Variants in ERAP2 observed in about 807,000 individuals in gnomAD.
ERAP2 encodes leukocyte-derived arginine aminopeptidase.
A neutral mutation model predicts 111.1 loss-of-function variants in ERAP2; 118 were observed. The ratio of observed to expected loss-of-function variants is 1.06; its 90% CI spans 0.92 to 1.24. The LOEUF (loss-of-function observed/expected upper bound fraction) is 1.24, where lower values mean the gene tolerates loss of function less well. Among genes scored for constraint, ERAP2 ranks in the 50% most tolerant of loss-of-function variants. The pLI, the probability that ERAP2 is intolerant of heterozygous loss-of-function variation, is 0.00. For synonymous variants in ERAP2, 410 were observed against 401.2 expected, an observed-to-expected ratio of 1.02 and a Z score of -0.26; for missense variants, 1,131 against 1,125.8, an observed-to-expected ratio of 1.00 and a Z score of -0.07.
intron 17 of ERAP2, among the ~76,000 whole-genome samples, chr5:96,914,400 C>T (rs1477002942): frequency 6.6e-6 from 1 of 152,170 alleles, no homozygotes; most frequent in Non-Finnish European, 1.5e-5. Flanking sequence ...ATTTCCACTC[C>T]TCTCCCAAAT....
In ERAP2 at chr5:96,918,408, G is replaced by A. The variant is rs1458118474; in HGVS notation, c.*803G>A. 6.6e-6 allele frequency: 1 copy of A among 152,180 alleles called. No homozygotes were observed. Among genetic ancestry groups the A allele is most frequent in the East Asian group, 1.9e-4 (1 of 5,202 alleles). The allele number at this position is 152,180 out of a possible 1,614,324, so 9.4% of individuals were successfully genotyped here. ...CAAGGATCAGGAAACCAGAGACTTT[G>A]CCACCAAATCTCAGATTATTAGAAA... On this transcript the variant is annotated 3_prime_UTR_variant, in exon 19 of 19. Transcript: ENST00000437043.
At position 96,901,461 on chromosome 5, in the gene ERAP2, A is replaced by G. The variant is rs542070676; in HGVS notation, c.1573-45A>G. On this transcript the variant is annotated intron_variant, in intron 10 of 18. Coordinates refer to ENST00000437043, the MANE Select transcript of ERAP2 (RefSeq NM_022350.5). ...GAAGTTTCTGTCCCTCTGTCTTTGG[A>G]TTGTCTCCTCTCTCTTGAGTTATCA... 7 of 1,590,544 alleles carry G rather than the reference A, an allele frequency of 4.4e-6. No homozygotes were observed. In the African/African-American group the frequency reaches 9.4e-5, roughly 21 times the overall value.
intron 4 of ERAP2, among the ~76,000 whole-genome samples, chr5:96,887,576 A>C (rs1312162294): frequency 6.6e-6 from 1 of 152,138 alleles, no homozygotes; most frequent in Non-Finnish European, 1.5e-5. Context: ...TTGGGATTAC[A>C]GGCGTGAGCC....
chr5:96,883,674 A>C, intron 2 of ERAP2, 118 bp from the exon 3 acceptor site: 1 of 962,774 alleles, frequency 1.0e-6, no homozygotes, highest in Non-Finnish European at 1.5e-6. Context: ...CAAAGATTGC[A>C]GTTTGAGAAA....
At chr5:96,905,181 A>G (rs542744318) in intron 13 of ERAP2, among the ~76,000 whole-genome samples, 1 of 152,210 alleles carries the variant, frequency 6.6e-6, no homozygotes, top group Non-Finnish European at 1.5e-5. Flanking sequence ...CATGAATAGG[A>G]GGAGGAGATG....
Position 96,909,062 on chromosome 5 carries a change from C to T in ERAP2, c.2114C>T (p.Ser705Leu), listed in dbSNP as rs754839003. The change falls in exon 14 of 19, where the codon TCG becomes TTG. Residue 705 changes from serine to leucine, a missense_variant. By Grantham distance (145) the Ser-to-Leu change is moderately radical. This residue lies in a region of ERAP2 where 847 missense variants were observed against 856.5 expected (regional missense o/e 0.99). Coordinates refer to ENST00000437043, the MANE Select transcript of ERAP2 (RefSeq NM_022350.5). ...CTCGAAGGTCTGAGTTACTTGGAAT[C>T]GTTTTACCACATGATGGACAGAAGG... Reference protein sequence around the residue: ...ALLEGLSYLESFYHMMDRRNI... With the variant: ...ALLEGLSYLELFYHMMDRRNI... 2 of 1,614,112 alleles carry T rather than the reference C, an allele frequency of 1.2e-6. No individual in the cohort carries two copies. The highest frequency in any genetic ancestry group is 1.7e-6 in the Non-Finnish European group (2 of 1,179,988).
At chr5:96,886,021 C>T (rs1024525642) in intron 3 of ERAP2, among the ~76,000 whole-genome samples, 11 of 152,350 alleles carry the variant, frequency 7.2e-5, no homozygotes, top group Middle Eastern at 3.4e-3. Context: ...ATGACTCAAG[C>T]TGTCACGCAG....
intron 10 of ERAP2, among the ~76,000 whole-genome samples, chr5:96,901,100 A>G (rs541229740): frequency 1.3e-5 from 2 of 152,202 alleles, no homozygotes; most frequent in Non-Finnish European, 2.9e-5. Context: ...TGAAATATTT[A>G]AAGCTTCCCT....
At chr5:96,903,881 G>A (rs973729546) in intron 13 of ERAP2, among the ~76,000 whole-genome samples, 1 of 152,026 alleles carries the variant, frequency 6.6e-6, no homozygotes, top group Non-Finnish European at 1.5e-5. Context: ...GAGTGCAGTG[G>A]GCCAAACTCT....
At chr5:96,898,495 A>G (rs534496007) in intron 9 of ERAP2, among the ~76,000 whole-genome samples, 4 of 147,574 alleles carry the variant, frequency 2.7e-5, no homozygotes, top group Admixed American at 7.0e-5. Flanking sequence ...TAATCCCATC[A>G]CTTTGGGAGA....
rs761424043 is a variant in ERAP2 at position 96,909,122 on chromosome 5, G to C, written c.2169+5G>C. The C allele has an allele frequency of 7.4e-6, 12 of 1,613,486 alleles. No individual in the cohort carries two copies. The highest frequency in any genetic ancestry group is 9.3e-6 in the Non-Finnish European group (11 of 1,179,640). ...GATATCTCTGAAAACCTCAAGGTTTGTGTTGCTTTTAGAAAATGTATTAAG... is the reference window on the plus strand; with the variant it reads ...GATATCTCTGAAAACCTCAAGGTTTCTGTTGCTTTTAGAAAATGTATTAAG... On this transcript the variant is annotated splice_donor_5th_base_variant and intron_variant, in intron 14 of 18. Coordinates refer to ENST00000437043, the MANE Select transcript of ERAP2 (RefSeq NM_022350.5).
Position 96,889,303 on chromosome 5 carries a change from T to G in ERAP2, c.968T>G (p.Leu323Arg), listed in dbSNP as rs778278840. 2.5e-6 allele frequency: 4 copies of G among 1,614,104 alleles called. No homozygotes were observed. The South Asian group carries it at 4.4e-5, about 18-fold the overall frequency. ...YFDIYYPLSK[L>R]DLIAIPDFAP... ...GATATCTACTATCCACTCTCCAAAC[T>G]GGGTATGTTCAAATTCCACATTATT... Residue 323 changes from leucine to arginine, a missense_variant and splice_region_variant, in exon 5 of 19, where the codon CTG (leucine) becomes CGG (arginine). Physicochemically the swap from Leu to Arg is moderately radical, Grantham distance 102. Around this residue, in one of 3 missense-constraint regions of ERAP2, gnomAD observed 847 missense variants for 856.5 expected, o/e 0.99. Coordinates refer to ENST00000437043, the MANE Select transcript of ERAP2 (RefSeq NM_022350.5).
chr5:96,913,571 A>G, intron 17 of ERAP2, 114 bp downstream of exon 17: 1 of 1,266,276 alleles, frequency 7.9e-7, no homozygotes, highest in Non-Finnish European at 1.1e-6. Flanking sequence ...TTTGTATCCA[A>G]ATAGTTCAGT....
At chr5:96,913,188 T>TA (rs1437299504) in intron 16 of ERAP2, 129 bp from the exon 17 acceptor site, 1 of 697,144 alleles carries the variant, frequency 1.4e-6, no homozygotes, top group South Asian at 2.5e-5. Flanking sequence ...ATTGAAACAT[T>TA]AAAAAATTGG....
intron 3 of ERAP2, among the ~76,000 whole-genome samples, chr5:96,884,754 T>A (rs897585270): frequency 2.0e-5 from 3 of 151,744 alleles, no homozygotes; most frequent in Non-Finnish European, 2.9e-5. Context: ...AGAGACGGGG[T>A]TTCACCACGT....
At chr5:96,886,375 G>T (rs1279473672) in intron 3 of ERAP2, among the ~76,000 whole-genome samples, 5 of 152,188 alleles carry the variant, frequency 3.3e-5, no homozygotes, top group African/African-American at 1.2e-4. Flanking sequence ...ATAGAAATAT[G>T]TAATATTTTT....
chr5:96,915,033 G>A (rs1787218375), intron 17 of ERAP2, among the ~76,000 whole-genome samples: 1 of 151,740 alleles, frequency 6.6e-6, no homozygotes, highest in Non-Finnish European at 1.5e-5. Flanking sequence ...TTGAGACGGA[G>A]TTTCATTCTC....
At chr5:96,888,056 C>T (rs4869312) in intron 4 of ERAP2, among the ~76,000 whole-genome samples, 82,901 of 150,590 alleles carry the variant, frequency 0.55, 22,789 homozygotes, top group Admixed American at 0.6. Context: ...ACCCGGGAGG[C>T]GGATGTTGCA....
intron 15 of ERAP2, 141 bp downstream of exon 15, chr5:96,909,905 T>C: frequency 1.3e-6 from 1 of 766,582 alleles, no homozygotes; most frequent in Non-Finnish European, 2.1e-6. Flanking sequence ...TGTTTCATGC[T>C]CTCACATTGT....
Sources: gnomAD v4.1 joint callset for allele counts (sites outside exome capture counted in the v4.1 genomes callset) on GRCh38, gnomAD v4.1.1 for gene constraint, gnomAD v4.1.1 regional missense constraint, MANE v1.5 for transcripts, NCBI Gene and HGNC (gene_info 2026-07-23, HGNC 2026-07-21) for gene names.